TLE4: variants seen among roughly 807,000 people sequenced by gnomAD.
The protein encoded by TLE4 is TLE family member 4, transcriptional corepressor, also known as transducin-like enhancer protein 4.
TLE4 carries 8 observed loss-of-function variants against 92.8 expected under a neutral mutation model. That is an observed-to-expected ratio of 0.09 (90% CI 0.05 to 0.16). TLE4 has a LOEUF of 0.16. Among genes scored for constraint, TLE4 ranks in the 10% least tolerant of loss-of-function variants. The pLI is 1.00. For missense variants in TLE4, 675 were observed against 997.6 expected (o/e 0.68, Z 4.36); for synonymous variants, 371 against 374.1 (o/e 0.99, Z 0.10).
chr9:79,634,058 C>T (rs2055062687), intron 6 of TLE4, among the ~76,000 whole-genome samples: 1 of 152,174 alleles, frequency 6.6e-6, no homozygotes, highest in African/African-American at 2.4e-5. Flanking sequence ...AAGGTTAGAA[C>T]TCTTTAGTGA....
intron 14 of TLE4, among the ~76,000 whole-genome samples, chr9:79,715,452 T>C (rs1010517564): frequency 1.3e-5 from 2 of 152,030 alleles, no homozygotes; most frequent in African/African-American, 4.8e-5. Context: ...CCTGAGATCA[T>C]CCCTTCACTT....
At chr9:79,647,731 T>C (rs1348275438) in intron 6 of TLE4, among the ~76,000 whole-genome samples, 2 of 151,854 alleles carry the variant, frequency 1.3e-5, no homozygotes, top group Admixed American at 1.3e-4. Flanking sequence ...AATTAAGAGG[T>C]ATGGCATACA....
At chr9:79,698,147 A>T (rs1403096434) in intron 8 of TLE4, among the ~76,000 whole-genome samples, 1 of 152,198 alleles carries the variant, frequency 6.6e-6, no homozygotes, top group African/African-American at 2.4e-5. Flanking sequence ...TACTGGAGAA[A>T]TGGAAGCTTA....
chr9:79,638,485 A>G (rs960045435), intron 6 of TLE4, among the ~76,000 whole-genome samples: 3 of 152,102 alleles, frequency 2.0e-5, no homozygotes, highest in South Asian at 4.1e-4. Flanking sequence ...TCAGAATGGT[A>G]CATTCTTGAA....
rs2076309993 is a variant in TLE4, at chr9:79,725,594, T to C, written c.*450T>C. On this transcript the variant is annotated 3_prime_UTR_variant, in exon 20 of 20. Transcript: ENST00000376552. ...ATAATTGATTTAAAATGTCACTAAG[T>C]GTAGACTGATGACTGTATAGAGATG... The C allele has an allele frequency of 6.3e-6, 1 of 159,466 alleles. No individual in the cohort carries two copies. Among genetic ancestry groups the C allele is most frequent in the Admixed American group, 6.2e-5 (1 of 16,238 alleles). The allele number at this position is 159,466 out of a possible 1,614,324, so 9.9% of individuals were successfully genotyped here.
chr9:79,688,074 A>G (rs956819518), intron 8 of TLE4, among the ~76,000 whole-genome samples: 1 of 152,140 alleles, frequency 6.6e-6, no homozygotes, highest in African/African-American at 2.4e-5. Flanking sequence ...TTCCACGTTG[A>G]GAAGGCCCAC....
chr9:79,705,959 T>C lies in TLE4; in HGVS notation c.783+17T>C, dbSNP rs773498558. ...TCCAATGAGGTATGTTTGTGGCTAC[T>C]TTAATTTTTTGCACTTGCCCAGCCA... On this transcript the variant is annotated intron_variant, in intron 10 of 19. Transcript: ENST00000376552. The C allele has an allele frequency of 6.2e-7, 1 of 1,613,702 alleles. No individual in the cohort carries two copies. The highest frequency in any genetic ancestry group is 8.5e-7 in the Non-Finnish European group (1 of 1,179,708).
intron 6 of TLE4, among the ~76,000 whole-genome samples, chr9:79,629,112 C>A (rs953045783): frequency 6.6e-6 from 1 of 152,074 alleles, no homozygotes; most frequent in Non-Finnish European, 1.5e-5. Flanking sequence ...TTTAGCTTAG[C>A]GTTTACTGTT....
At chr9:79,606,114 A>C (rs1416726203) in intron 4 of TLE4, among the ~76,000 whole-genome samples, 1 of 146,022 alleles carries the variant, frequency 6.8e-6, no homozygotes, top group South Asian at 2.3e-4. Context: ...TAGGAACCTG[A>C]TAGATGGCCT....
At chr9:79,623,238 T>C (rs934400080) in intron 5 of TLE4, among the ~76,000 whole-genome samples, 2 of 152,092 alleles carry the variant, frequency 1.3e-5, no homozygotes, top group Non-Finnish European at 2.9e-5. Flanking sequence ...TATAGCTTTT[T>C]ATTACGGTTT....
At chr9:79,585,282 G>T (rs2040771550) in intron 4 of TLE4, among the ~76,000 whole-genome samples, 1 of 152,070 alleles carries the variant, frequency 6.6e-6, no homozygotes, top group African/African-American at 2.4e-5. Flanking sequence ...TACGTATGTT[G>T]GGGCTGAGAC....
At chr9:79,698,007 CG>C (rs1463279465) in intron 8 of TLE4, among the ~76,000 whole-genome samples, 1 of 152,096 alleles carries the variant, frequency 6.6e-6, no homozygotes, top group African/African-American at 2.4e-5. Flanking sequence ...AAAAAATATG[CG>C]GTTGTTTCCA....
chr9:79,596,548 G>A (rs1259064519), intron 4 of TLE4, among the ~76,000 whole-genome samples: 3 of 152,142 alleles, frequency 2.0e-5, no homozygotes. Context: ...TCCCACTTTA[G>A]ATCTGTTCCC....
At chr9:79,673,741 CAT>C (rs2062796710) in intron 8 of TLE4, among the ~76,000 whole-genome samples, 1 of 152,146 alleles carries the variant, frequency 6.6e-6, no homozygotes, top group Non-Finnish European at 1.5e-5. Flanking sequence ...GCATAATTTA[CAT>C]GTTACTTCTT....
intron 8 of TLE4, among the ~76,000 whole-genome samples, chr9:79,659,979 G>A (rs143022783): frequency 6.6e-6 from 1 of 152,158 alleles, no homozygotes; most frequent in African/African-American, 2.4e-5. Context: ...TTGATTATTG[G>A]TAAAATCCAT....
At chr9:79,663,764 G>A (rs1402924181) in intron 8 of TLE4, among the ~76,000 whole-genome samples, 1 of 152,040 alleles carries the variant, frequency 6.6e-6, no homozygotes, top group Non-Finnish European at 1.5e-5. Flanking sequence ...GCAATTTAAT[G>A]TTTCTAGATA....
chr9:79,604,628 G>A (rs547002326), intron 4 of TLE4, among the ~76,000 whole-genome samples: 11 of 152,228 alleles, frequency 7.2e-5, no homozygotes, highest in Non-Finnish European at 1.3e-4. Context: ...ACAGAGAAAA[G>A]AAGTAAACAG....
chr9:79,625,984 A>G (rs1452959539), intron 5 of TLE4, among the ~76,000 whole-genome samples: 5 of 151,942 alleles, frequency 3.3e-5, no homozygotes, highest in East Asian at 1.9e-4. Context: ...TAAAAAGTAT[A>G]TAGTTTAATA....
intron 8 of TLE4, among the ~76,000 whole-genome samples, chr9:79,660,670 C>T (rs1256192152): frequency 6.6e-6 from 1 of 152,130 alleles, no homozygotes; most frequent in Admixed American, 6.5e-5. Flanking sequence ...GTAATTTGTT[C>T]AGTATTAATT....
Sources: gnomAD v4.1 joint callset for allele counts (sites outside exome capture counted in the v4.1 genomes callset) on GRCh38, gnomAD v4.1.1 for gene constraint, MANE v1.5 for transcripts, NCBI Gene and HGNC (gene_info 2026-07-23, HGNC 2026-07-21) for gene names.